Variants in DLL1 observed in about 807,000 individuals in gnomAD.
DLL1 encodes delta like canonical Notch ligand 1.
In DLL1, 9 loss-of-function variants were observed where a neutral mutation model predicts 75.1. The ratio of observed to expected loss-of-function variants is 0.12; its 90% CI spans 0.07 to 0.21. The LOEUF (loss-of-function observed/expected upper bound fraction) is 0.21, where lower values mean the gene tolerates loss of function less well. Among genes scored for constraint, DLL1 ranks in the 10% least tolerant of loss-of-function variants. The pLI, the probability that DLL1 is intolerant of heterozygous loss-of-function variation, is 1.00. For synonymous variants in DLL1, 477 were observed against 418.3 expected, an observed-to-expected ratio of 1.14 and a Z score of -1.71; for missense variants, 837 against 1,007.6, an observed-to-expected ratio of 0.83 and a Z score of 2.29.
Position 170,283,604 on chromosome 6 carries a change from G to A in DLL1, c.1675C>T (p.Leu559=), listed in dbSNP as rs188410032. The A allele has an allele frequency of 1.9e-6, 3 of 1,612,210 alleles. No homozygotes were observed. Among genetic ancestry groups the A allele is most frequent in the East Asian group, 4.5e-5 (2 of 44,858 alleles). The change falls in exon 9 of 11, where the codon CTG becomes TTG. Residue 559 remains leucine (L), a synonymous_variant. Transcript: ENST00000366756. ...CAGVILVLML[L]LGCAAVVVCV... is the part of the protein sequence containing the mutation. ...ACCACCACAGCGGCACAGCCCAGCAGCAGCATGAGGACAAGGATGACCCCG... is the reference window on the plus strand; with the variant it reads ...ACCACCACAGCGGCACAGCCCAGCAACAGCATGAGGACAAGGATGACCCCG...
rs891462930 is a variant in DLL1, at chr6:170,289,190, G to A, written c.351+322C>T. Reference sequence around the variant, plus strand: ...CGCCACCAACGCGTCTAGGAGTCGGGAAACCAGAACCTTCCCACGTGAAGG... The same window carrying A: ...CGCCACCAACGCGTCTAGGAGTCGGAAAACCAGAACCTTCCCACGTGAAGG... On this transcript the variant is annotated intron_variant, in intron 2 of 10. Transcript: ENST00000366756. The A allele has an allele frequency of 3.9e-5, 25 of 635,398 alleles. No individual in the cohort carries two copies. In the East Asian group the frequency reaches 6.1e-4, roughly 15 times the overall value. The allele number at this position is 635,398 out of a possible 1,614,324, so 39.4% of individuals were successfully genotyped here.
rs1783854894 is a variant in DLL1 at position 170,291,027 on chromosome 6, A to G, written c.-888T>C. 1 of 700,526 alleles carries G rather than the reference A, an allele frequency of 1.4e-6. No homozygotes were observed. The highest frequency in any genetic ancestry group is 2.6e-6 in the Non-Finnish European group (1 of 383,806). 43.4% of individuals were successfully genotyped at this position (700,526 alleles called of 1,614,324 possible). On this transcript the variant is annotated 5_prime_UTR_variant, in exon 1 of 11. Coordinates refer to ENST00000366756, the MANE Select transcript of DLL1 (RefSeq NM_005618.4). Reference sequence around the variant, plus strand: ...CCCCCAATCTGGCGAGAGCTGTCACAAAGGAGCCACTTTTCCAAACCCTCC... The same window carrying G: ...CCCCCAATCTGGCGAGAGCTGTCACGAAGGAGCCACTTTTCCAAACCCTCC...
At position 170,286,282 on chromosome 6, in the gene DLL1, T is replaced by C; in HGVS notation, c.687A>G (p.Gly229=). ...CACAAAATCCATGCTGCTCATCACATCCAGGCAGGCAGATCGCTACAAGCA... is the reference window on the plus strand; with the variant it reads ...CACAAAATCCATGCTGCTCATCACACCCAGGCAGGCAGATCGCTACAAGCA... The part of the protein sequence containing the change: ...PYCTEPICLP[G]CDEQHGFCDK... Residue 229 remains glycine (G), a synonymous_variant, in exon 5 of 11, where the codon GGA becomes GGG. Coordinates refer to ENST00000366756, the MANE Select transcript of DLL1 (RefSeq NM_005618.4). 1.2e-6 allele frequency: 2 copies of C among 1,614,170 alleles called. No homozygotes were observed. Among genetic ancestry groups the C allele is most frequent in the South Asian group, 1.1e-5 (1 of 91,084 alleles).
chr6:170,287,871 CCT>C (rs2114963357), intron 4 of DLL1, among the ~76,000 whole-genome samples: 1 of 152,290 alleles, frequency 6.6e-6, no homozygotes, highest in African/African-American at 2.4e-5. Context: ...AAATGGTGCC[CCT>C]GACACACAAG....
Position 170,288,417 on chromosome 6 carries a change from G to A in DLL1, c.492C>T (p.His164=). The A allele has an allele frequency of 1.2e-6, 2 of 1,614,090 alleles. No homozygotes were observed. Among genetic ancestry groups the A allele is most frequent in the Non-Finnish European group, 1.7e-6 (2 of 1,180,044 alleles). ...TVGEEWSQDL[H]SSGRTDLKYS... ...ACTTGAGGTCCGTGCGGCCGCTGCT[G>A]TGCAGGTCCTGGGACCACTCCTCGC... The change falls in exon 4 of 11, where the codon CAC becomes CAT. Residue 164 remains histidine (H), a synonymous_variant. Transcript: ENST00000366756.
Position 170,283,083 on chromosome 6 carries a change from T to C in DLL1, c.2071A>G (p.Arg691Gly). The change falls in exon 10 of 11, where the codon AGG (arginine) becomes GGG (glycine). Residue 691 changes from arginine to glycine, a missense_variant. Around this residue, in one of 2 missense-constraint regions of DLL1, gnomAD observed 533 missense variants for 545.7 expected, o/e 0.98. Coordinates refer to ENST00000366756, the MANE Select transcript of DLL1 (RefSeq NM_005618.4). ...LRGGEASERK[R>G]PDSGCSTSKD... ...GAAGTTGAACAGCCCGAGTCCGGCC[T>C]TTTTCTTTCAGATGCTTCTCCACTA... 3 of 1,614,102 alleles carry C rather than the reference T, an allele frequency of 1.9e-6. No homozygotes were observed. The highest frequency in any genetic ancestry group is 2.5e-6 in the Non-Finnish European group (3 of 1,180,030).
chr6:170,288,183 G>A (rs1221037202), intron 4 of DLL1, 56 bp downstream of exon 4: 1 of 1,612,452 alleles, frequency 6.2e-7, no homozygotes, highest in South Asian at 1.1e-5. Flanking sequence ...CCCCGTCCCT[G>A]CGCGCGGTCC....
chr6:170,285,563 G>A lies in DLL1; in HGVS notation c.862+6C>T. ...GAGCAGGCTGCCTCAGGGAGAGAAG[G>A]CTTACCCTGGTTGCAGAAAAGGCCC... On this transcript the variant is annotated splice_donor_region_variant and intron_variant, in intron 6 of 10. Transcript: ENST00000366756. 6.2e-7 allele frequency: 1 copy of A among 1,614,114 alleles called. No individual in the cohort carries two copies. Among genetic ancestry groups the A allele is most frequent in the African/African-American group, 1.3e-5 (1 of 75,038 alleles).
chr6:170,283,773 G>A lies in DLL1; in HGVS notation c.1506C>T (p.Arg502=), dbSNP rs1783628393. The A allele has an allele frequency of 6.3e-7, 1 of 1,591,078 alleles. No individual in the cohort carries two copies. The highest frequency in any genetic ancestry group is 1.1e-5 in the South Asian group (1 of 88,550). Residue 502 remains arginine (R), a synonymous_variant, in exon 9 of 11, where the codon CGC becomes CGT. Transcript: ENST00000366756. ...NGATCHERGH[R]YVCECARGYG... ...AGCCTCGGGCACACTCGCACACATA[G>A]CGGTGGCCCCTCTCGTGGCAGGTGG...
At position 170,282,717 on chromosome 6, in the gene DLL1, C is replaced by G; in HGVS notation, c.*157G>C. ...GCCGCGACAGGCTGTCGGCAGGCGTCGAGGACCTCAGGAGGAGAACCTGCT... is the reference window on the plus strand; with the variant it reads ...GCCGCGACAGGCTGTCGGCAGGCGTGGAGGACCTCAGGAGGAGAACCTGCT... On this transcript the variant is annotated 3_prime_UTR_variant, in exon 11 of 11. Coordinates refer to ENST00000366756, the MANE Select transcript of DLL1 (RefSeq NM_005618.4). 2.3e-6 allele frequency: 3 copies of G among 1,285,542 alleles called. No individual in the cohort carries two copies. The highest frequency in any genetic ancestry group is 1.7e-5 in the Admixed American group (1 of 57,652). The allele number at this position is 1,285,542 out of a possible 1,614,324, so 79.6% of individuals were successfully genotyped here. A position where few individuals can be genotyped will look rare whatever the true frequency, so the allele number is the denominator to read the frequency against.
chr6:170,289,263 C>T (rs1283624019), intron 2 of DLL1: 1 of 680,216 alleles, frequency 1.5e-6, no homozygotes, highest in Non-Finnish European at 2.6e-6. Flanking sequence ...ACGGAAATCT[C>T]CCGGGCGCGC....
chr6:170,282,880 C>T lies in DLL1; in HGVS notation c.2167-1G>A. On this transcript the variant is annotated splice_acceptor_variant, in intron 10 of 10. Coordinates refer to ENST00000366756, the MANE Select transcript of DLL1 (RefSeq NM_005618.4). LOFTEE classifies it high-confidence loss of function. Reference sequence around the variant, plus strand: ...TTGCCATCTCACTTCCATTTTACACCTGGGGGGCCACAAGACAAATGGGAA... The same window carrying T: ...TTGCCATCTCACTTCCATTTTACACTTGGGGGGCCACAAGACAAATGGGAA... 6.2e-7 allele frequency: 1 copy of T among 1,614,184 alleles called. No homozygotes were observed. Among genetic ancestry groups the T allele is most frequent in the Non-Finnish European group, 8.5e-7 (1 of 1,180,038 alleles).
intron 2 of DLL1, 109 bp from the exon 3 acceptor site, chr6:170,288,898 G>A (rs566386782): frequency 3.9e-5 from 48 of 1,218,880 alleles, no homozygotes; most frequent in Admixed American, 1.9e-4. Context: ...CCTGAAGGCT[G>A]CAGGTCTGGG....
At chr6:170,282,923 T>C in intron 10 of DLL1, 44 bp from the exon 11 acceptor site, 1 of 1,614,204 alleles carries the variant, frequency 6.2e-7, no homozygotes, top group Non-Finnish European at 8.5e-7. Context: ...TGAGACCGAT[T>C]CCCGTGCTCC....
Position 170,283,228 on chromosome 6 carries a change from C to A in DLL1, c.2048+3G>T, listed in dbSNP as rs776637007. Reference sequence around the variant, plus strand: ...CTCCTGATGCCCGGCCCGCAGCACGCACCCCCTGAGTGTGGTCGGGGTCCC... The same window carrying A: ...CTCCTGATGCCCGGCCCGCAGCACGAACCCCCTGAGTGTGGTCGGGGTCCC... On this transcript the variant is annotated splice_donor_region_variant and intron_variant, in intron 9 of 10. Transcript: ENST00000366756. The A allele has an allele frequency of 6.2e-7, 1 of 1,612,684 alleles. No homozygotes were observed. The highest frequency in any genetic ancestry group is 8.5e-7 in the Non-Finnish European group (1 of 1,179,854).
At position 170,290,963 on chromosome 6, in the gene DLL1, C is replaced by T. The variant is rs1783852667; in HGVS notation, c.-824G>A. 2.9e-6 allele frequency: 2 copies of T among 700,698 alleles called. No homozygotes were observed. 43.4% of individuals were successfully genotyped at this position (700,698 alleles called of 1,614,324 possible). On this transcript the variant is annotated 5_prime_UTR_variant, in exon 1 of 11. Transcript: ENST00000366756. The surrounding 1 kb of genome is among the most constrained non-coding windows in gnomAD (Gnocchi z 4.7). ...CGGCGCCTGCCGCCCTTATATTCAG[C>T]CGGCCGCCCGCATGGCTAATGAGAT...
chr6:170,285,193 CTCCAT>C lies in DLL1; in HGVS notation c.1032+56_1033-59del, dbSNP rs904745929. 2.5e-6 allele frequency: 4 copies of C among 1,613,834 alleles called. No homozygotes were observed. The African/African-American group carries it at 5.3e-5, about 22-fold the overall frequency. ...AAAGTTGCTCCAAGGAGCCCACACA[CTCCAT>C]TCAACACCAGGGCACCCCAGCTTCC... On this transcript the variant is annotated intron_variant, in intron 7 of 10. Coordinates refer to ENST00000366756, the MANE Select transcript of DLL1 (RefSeq NM_005618.4).
chr6:170,286,442 C>G (rs1289954633), intron 4 of DLL1, 144 bp from the exon 5 acceptor site: 1 of 1,001,948 alleles, frequency 1.0e-6, no homozygotes, highest in African/African-American at 1.6e-5. Flanking sequence ...GAGGACTGAC[C>G]CCCCTGCCTA....
Position 170,283,704 on chromosome 6 carries a change from C to G in DLL1, c.1575G>C (p.Pro525=). ...NCQFLLPELP[P]GPAVVDLTEK... ...CAGTGAGGTCCACCACCGCTGGGCC[C>G]GGGGGCAGCTCGGGGAGCAGGAACT... is the stretch of plus-strand genomic sequence containing the variant. The change falls in exon 9 of 11, where the codon CCG becomes CCC. Residue 525 remains proline, a synonymous_variant. Transcript: ENST00000366756. 1.3e-6 allele frequency: 2 copies of G among 1,555,536 alleles called. No individual in the cohort carries two copies. The highest frequency in any genetic ancestry group is 1.2e-5 in the South Asian group (1 of 83,980).
Sources: gnomAD v4.1 joint callset for allele counts (sites outside exome capture counted in the v4.1 genomes callset) on GRCh38, gnomAD v4.1.1 for gene constraint, gnomAD v4.1.1 regional missense constraint, Gnocchi (gnomAD v3.1) non-coding constraint, MANE v1.5 for transcripts, NCBI Gene and HGNC (gene_info 2026-07-23, HGNC 2026-07-21) for gene names.